STAU2: variants seen among roughly 807,000 people sequenced by gnomAD.
STAU2 encodes the protein staufen double-stranded RNA binding protein 2, also known as double-stranded RNA-binding protein Staufen homolog 2.
In STAU2, 20 loss-of-function variants were observed where a neutral mutation model predicts 65.9. The observed-to-expected ratio is 0.30, with a 90% CI of 0.21 to 0.44. The LOEUF (loss-of-function observed/expected upper bound fraction) is 0.44. Ranked by LOEUF, STAU2 falls within the 20% of genes least tolerant of loss-of-function variation. STAU2 has a pLI of 1.00. For synonymous variants in STAU2, 232 were observed against 233.9 expected (o/e 0.99, Z 0.07); for missense variants, 558 against 683.9 (o/e 0.82, Z 2.05).
intron 3 of STAU2, among the ~76,000 whole-genome samples, chr8:73,721,287 C>CAAAAAAAAAAAAAAAA (rs35721754): frequency 5.6e-4 from 7 of 12,464 alleles, no homozygotes; most frequent in Non-Finnish European, 8.5e-4. Context: ...ACCCCACCTC[C>CAAAAAAAAAAAAAAAA]AAAAAAAAAA....
At chr8:73,565,302 G>GCT (rs150938991) in intron 12 of STAU2, among the ~76,000 whole-genome samples, 10,821 of 151,756 alleles carry the variant, frequency 0.071, 1,032 homozygotes, top group African/African-American at 0.22. Flanking sequence ...TCCCCTGCTT[G>GCT]CTCTCTCTCT....
intron 3 of STAU2, among the ~76,000 whole-genome samples, chr8:73,724,376 A>G (rs74355951): frequency 1.0e-3 from 156 of 152,284 alleles, no homozygotes; most frequent in African/African-American, 3.6e-3. Context: ...TCTTGTAAAC[A>G]TCATAAATAT....
chr8:73,724,755 A>G (rs1805513062), intron 3 of STAU2, among the ~76,000 whole-genome samples: 2 of 151,272 alleles, frequency 1.3e-5, no homozygotes, highest in Non-Finnish European at 2.9e-5. Context: ...AATGAAGACT[A>G]TAACTCACTG....
chr8:73,709,286 A>T (rs905733019), intron 3 of STAU2, 124 bp from the exon 4 acceptor site: 79 of 851,548 alleles, frequency 9.3e-5, no homozygotes, highest in Non-Finnish European at 1.2e-4. Flanking sequence ...GTATTTTAAA[A>T]ATTCAAATTA....
chr8:73,479,682 T>C (rs1382509465), intron 13 of STAU2, among the ~76,000 whole-genome samples: 1 of 122,876 alleles, frequency 8.1e-6, no homozygotes, highest in Non-Finnish European at 1.7e-5. Flanking sequence ...TTGAGCAGGA[T>C]ATCTTCCAAC....
At chr8:73,425,450 G>C (rs1322850626) in intron 13 of STAU2, among the ~76,000 whole-genome samples, 1 of 152,146 alleles carries the variant, frequency 6.6e-6, no homozygotes, top group African/African-American at 2.4e-5. Flanking sequence ...CTCCCTCACA[G>C]CCTTCAGAAG....
At chr8:73,652,196 A>G (rs1162424893) in intron 6 of STAU2, 1 of 152,210 alleles carries the variant, frequency 6.6e-6, no homozygotes, top group East Asian at 1.9e-4. Flanking sequence ...GAAATTATAT[A>G]AATAAAATTA....
rs976926912 is a variant in STAU2 at position 73,585,503 on chromosome 8, T to C, written c.1162-2673A>G. Among the ~76,000 whole-genome samples, 2 of 152,228 alleles carry C rather than the reference T, an allele frequency of 1.3e-5. 1 individual carries two copies. The stretch of plus-strand genomic sequence containing the variant: ...CTCAAAACATGTATATATTATACAA[T>C]TTATCCAGTAGGTAACATATGATTT... On this transcript the variant is annotated intron_variant, in intron 11 of 14. Transcript: ENST00000524300.
chr8:73,744,987 C>A (rs543573188), intron 1 of STAU2, among the ~76,000 whole-genome samples: 34 of 152,154 alleles, frequency 2.2e-4, no homozygotes, highest in Non-Finnish European at 2.5e-4. Context: ...AACATTCTTA[C>A]AAATACAAAA....
chr8:73,673,383 C>T (rs55910130), intron 5 of STAU2, 141 bp from the exon 6 acceptor site: 142,059 of 870,328 alleles, frequency 0.16, 13,665 homozygotes, highest in East Asian at 0.36. Context: ...TAAGGAACTG[C>T]GAAAACAAAG....
At chr8:73,605,864 CACACACACACACAT>C (rs1309792162) in intron 9 of STAU2, among the ~76,000 whole-genome samples, 135 of 81,748 alleles carry the variant, frequency 1.7e-3, no homozygotes, top group Middle Eastern at 5.1e-3. Flanking sequence ...CACACACACA[CACACACACACACAT>C]ACACACACAC....
At chr8:73,737,596 G>T (rs2130775528) in intron 3 of STAU2, among the ~76,000 whole-genome samples, 1 of 150,156 alleles carries the variant, frequency 6.7e-6, no homozygotes, top group African/African-American at 2.4e-5. Flanking sequence ...AAGAGACAGG[G>T]TCTTACTACG....
At chr8:73,564,685 A>G (rs1377433029) in intron 12 of STAU2, among the ~76,000 whole-genome samples, 1 of 152,142 alleles carries the variant, frequency 6.6e-6, no homozygotes, top group African/African-American at 2.4e-5. Flanking sequence ...AAAAGAAAAT[A>G]TACTCAGTGG....
At chr8:73,585,189 C>T (rs1040659427) in intron 11 of STAU2, among the ~76,000 whole-genome samples, 37 of 152,312 alleles carry the variant, frequency 2.4e-4, no homozygotes, top group African/African-American at 8.4e-4. Flanking sequence ...TACCTCAATA[C>T]TATACAATTG....
At chr8:73,456,747 C>A (rs1819093982) in intron 13 of STAU2, among the ~76,000 whole-genome samples, 1 of 152,196 alleles carries the variant, frequency 6.6e-6, no homozygotes, top group Non-Finnish European at 1.5e-5. Flanking sequence ...CTGATATTTT[C>A]TCTATGATGA....
intron 10 of STAU2, among the ~76,000 whole-genome samples, chr8:73,599,729 C>A (rs1421488441): frequency 1.3e-5 from 2 of 151,888 alleles, no homozygotes; most frequent in African/African-American, 4.8e-5. Flanking sequence ...TTCTTACATC[C>A]TTATTTACAG....
intron 12 of STAU2, among the ~76,000 whole-genome samples, chr8:73,567,217 T>TA (rs201843839): frequency 0.011 from 1,723 of 151,914 alleles, 29 homozygotes; most frequent in African/African-American, 0.039. Flanking sequence ...TTTTTAAGAT[T>TA]AAAAAAAAGG....
chr8:73,687,761 G>C (rs1248693235), intron 5 of STAU2, among the ~76,000 whole-genome samples: 1 of 151,684 alleles, frequency 6.6e-6, no homozygotes, highest in Non-Finnish European at 1.5e-5. Flanking sequence ...GCCCAGGCTG[G>C]AGTGCAGTGG....
At chr8:73,571,121 A>T in intron 12 of STAU2, among the ~76,000 whole-genome samples, 1 of 152,200 alleles carries the variant, frequency 6.6e-6, no homozygotes, top group Non-Finnish European at 1.5e-5. Flanking sequence ...ACAGACTTTA[A>T]ACCAACAAAG....
Sources: allele counts gnomAD v4.1 joint callset (sites outside exome capture counted in the v4.1 genomes callset), GRCh38; gene constraint gnomAD v4.1.1; transcripts MANE v1.5; gene names NCBI Gene and HGNC (gene_info 2026-07-23, HGNC 2026-07-21).